Variants in WWOX observed in about 807,000 individuals in gnomAD.
The protein encoded by WWOX is WW domain-containing oxidoreductase.
Under a neutral mutation model 46.2 loss-of-function variants are expected in WWOX, and 69 were observed. The ratio of observed to expected loss-of-function variants is 1.49; its 90% CI spans 1.23 to 1.82. The LOEUF is 1.82. Ranked by LOEUF, WWOX falls within the 40% of genes most tolerant of loss-of-function variation. The pLI, the probability that WWOX is intolerant of heterozygous loss-of-function variation, is 0.00. For missense variants in WWOX, 919 were observed against 542.6 expected, an observed-to-expected ratio of 1.69 and a Z score of -6.89; for synonymous variants, 359 against 202.6, an observed-to-expected ratio of 1.77 and a Z score of -6.56.
At chr16:78,767,551 G>T (rs911348749) in intron 8 of WWOX, among the ~76,000 whole-genome samples, 2 of 151,686 alleles carry the variant, frequency 1.3e-5, no homozygotes, top group Non-Finnish European at 2.9e-5. Context: ...TATCTATTCA[G>T]ATCTCTGCTT....
intron 7 of WWOX, among the ~76,000 whole-genome samples, chr16:78,425,940 T>C (rs373469884): frequency 1.6e-4 from 24 of 152,268 alleles, no homozygotes; most frequent in Middle Eastern, 3.4e-3. Context: ...ATTTTTTTAA[T>C]CATACTTCCA....
At chr16:78,911,323 T>G (rs1014933680) in intron 8 of WWOX, among the ~76,000 whole-genome samples, 1 of 152,104 alleles carries the variant, frequency 6.6e-6, no homozygotes. Context: ...TACTTGACCT[T>G]TACCATAAAT....
intron 8 of WWOX, among the ~76,000 whole-genome samples, chr16:78,814,905 C>G (rs1341350894): frequency 5.9e-5 from 9 of 152,214 alleles, no homozygotes; most frequent in Non-Finnish European, 1.0e-4. Context: ...TCCCCACATT[C>G]TTCCACCTGG....
intron 8 of WWOX, among the ~76,000 whole-genome samples, chr16:79,146,245 T>C (rs1393473208): frequency 6.6e-6 from 1 of 152,204 alleles, no homozygotes; most frequent in Non-Finnish European, 1.5e-5. Flanking sequence ...TTTTGCATTT[T>C]TATTTCTTAT....
In WWOX at chr16:79,211,656, G is replaced by C. The variant is rs777303637; in HGVS notation, c.1105G>C (p.Glu369Gln). Residue 369 changes from glutamate to glutamine, a missense_variant, in exon 9 of 9, where the codon GAG becomes CAG. Transcript: ENST00000566780. ...TVYCAAVPEL[E>Q]GLGGMYFNNC... ...GTACTGTGCTGCTGTCCCAGAACTGGAGGGTCTGGGAGGGATGTACTTCAA... is the reference window on the plus strand; with the variant it reads ...GTACTGTGCTGCTGTCCCAGAACTGCAGGGTCTGGGAGGGATGTACTTCAA... 1.2e-5 allele frequency: 20 copies of C among 1,614,076 alleles called. No homozygotes were observed. Among genetic ancestry groups the C allele is most frequent in the East Asian group, 2.2e-5 (1 of 44,880 alleles).
chr16:79,152,749 G>A (rs907577895), intron 8 of WWOX, among the ~76,000 whole-genome samples: 1 of 152,120 alleles, frequency 6.6e-6, no homozygotes, highest in African/African-American at 2.4e-5. Context: ...CTTAGTGTGG[G>A]CAGAGCTCAG....
chr16:78,774,579 C>A (rs553307886), intron 8 of WWOX, among the ~76,000 whole-genome samples: 23 of 151,986 alleles, frequency 1.5e-4, no homozygotes, highest in East Asian at 1.2e-3. Context: ...TCCCCCCCCA[C>A]ACATATGCAC....
chr16:79,072,697 G>A (rs572192996), intron 8 of WWOX, among the ~76,000 whole-genome samples: 2 of 152,104 alleles, frequency 1.3e-5, no homozygotes, highest in Non-Finnish European at 2.9e-5. Context: ...CATCACCATC[G>A]TCATCATCAG....
intron 8 of WWOX, among the ~76,000 whole-genome samples, chr16:78,565,088 G>C (rs1490561697): frequency 6.6e-6 from 1 of 152,200 alleles, no homozygotes; most frequent in South Asian, 2.1e-4. Context: ...AGGAACCTCA[G>C]TTTGTCCATT....
chr16:79,094,010 A>G (rs1363812744), intron 8 of WWOX, among the ~76,000 whole-genome samples: 2 of 152,202 alleles, frequency 1.3e-5, no homozygotes, highest in Non-Finnish European at 2.9e-5. Context: ...GAATACATGT[A>G]TGAATGAATG....
At chr16:78,494,255 G>C (rs2859636) in intron 8 of WWOX, among the ~76,000 whole-genome samples, 112,948 of 152,042 alleles carry the variant, frequency 0.74, 44,309 homozygotes, top group Admixed American at 0.87. Flanking sequence ...ATCCCGTCTA[G>C]TTCCTGCAGA....
intron 4 of WWOX, among the ~76,000 whole-genome samples, chr16:78,147,704 A>G (rs2034256415): frequency 7.6e-6 from 1 of 132,290 alleles, no homozygotes. Flanking sequence ...TTTAAAAAAA[A>G]AAAAGGTGCT....
At chr16:78,234,466 T>C (rs898130935) in intron 5 of WWOX, among the ~76,000 whole-genome samples, 3 of 152,172 alleles carry the variant, frequency 2.0e-5, no homozygotes, top group African/African-American at 7.2e-5. Flanking sequence ...GCCATGTTTT[T>C]GTACGTCTCT....
intron 8 of WWOX, among the ~76,000 whole-genome samples, chr16:78,757,434 T>G (rs2049682206): frequency 6.6e-6 from 1 of 152,166 alleles, no homozygotes; most frequent in Non-Finnish European, 1.5e-5. Flanking sequence ...ACCTCTTGCC[T>G]CATCAGTTAG....
chr16:78,325,306 T>C (rs1289245976), intron 5 of WWOX, among the ~76,000 whole-genome samples: 1 of 152,266 alleles, frequency 6.6e-6, no homozygotes, highest in Non-Finnish European at 1.5e-5. Context: ...ACTTTATAAA[T>C]ACTCAGATTT....
intron 8 of WWOX, among the ~76,000 whole-genome samples, chr16:78,636,089 AGT>A: frequency 6.6e-6 from 1 of 152,184 alleles, no homozygotes; most frequent in Admixed American, 6.5e-5. Flanking sequence ...GCACTCTAGT[AGT>A]GATTAAAATG....
At chr16:79,037,946 C>T (rs1393992930) in intron 8 of WWOX, among the ~76,000 whole-genome samples, 1 of 152,058 alleles carries the variant, frequency 6.6e-6, no homozygotes, top group Non-Finnish European at 1.5e-5. Context: ...ACTCGCATTT[C>T]TTTTCTGGTT....
chr16:78,233,478 A>G (rs551278158), intron 5 of WWOX, among the ~76,000 whole-genome samples: 184 of 150,966 alleles, frequency 1.2e-3, no homozygotes, highest in Non-Finnish European at 1.6e-3. Flanking sequence ...TATGTGTACC[A>G]TGTCAGCTTA....
intron 4 of WWOX, among the ~76,000 whole-genome samples, chr16:78,155,917 T>C (rs1399529214): frequency 6.6e-6 from 1 of 152,184 alleles, no homozygotes; most frequent in Non-Finnish European, 1.5e-5. Context: ...AACTCCACAC[T>C]CTAGAGATAT....
Sources: gnomAD v4.1 joint callset for allele counts (sites outside exome capture counted in the v4.1 genomes callset) on GRCh38, gnomAD v4.1.1 for gene constraint, MANE v1.5 for transcripts, NCBI Gene and HGNC (gene_info 2026-07-23, HGNC 2026-07-21) for gene names.